The following MN1 variants were observed in gnomAD, a reference collection of about 807,000 sequenced individuals.
MN1 encodes MN1 proto-oncogene, transcriptional regulator.
In MN1, 19 loss-of-function variants were observed where a neutral mutation model predicts 86.9. The ratio of observed to expected loss-of-function variants is 0.22; its 90% CI spans 0.15 to 0.32. MN1 has a LOEUF of 0.32. Among genes scored for constraint, MN1 ranks in the 10% least tolerant of loss-of-function variants. The probability of loss-of-function intolerance (pLI) is 1.00; values close to 1 mark genes in which losing one functional copy is unlikely to be tolerated. For synonymous variants in MN1, 928 were observed against 849.6 expected, an observed-to-expected ratio of 1.09 and a Z score of -1.60; for missense variants, 1,841 against 1,862.0, an observed-to-expected ratio of 0.99 and a Z score of 0.21.
At chr22:27,780,240 ACTG>A (rs1197009601) in intron 1 of MN1, among the ~76,000 whole-genome samples, 2 of 151,972 alleles carry the variant, frequency 1.3e-5, no homozygotes, top group Non-Finnish European at 2.9e-5. Context: ...TGGACTCCAA[ACTG>A]CTAATCTGAC....
rs115169703 is a variant in MN1, at chr22:27,760,720, G to A, written c.3782-9624C>T. Among the ~76,000 whole-genome samples the A allele has an allele frequency of 5.8e-3, 877 of 152,254 alleles. 12 individuals carry two copies. The highest frequency in any genetic ancestry group is 0.02 in the African/African-American group (845 of 41,540). On this transcript the variant is annotated intron_variant, in intron 1 of 1. Coordinates refer to ENST00000302326, the MANE Select transcript of MN1 (RefSeq NM_002430.3). The stretch of plus-strand genomic sequence containing the variant: ...CGCAGAGCCCGAGGCAGGCCCAGGG[G>A]ACTAGCCACTCCTTGGCCCAGCCCT...
At chr22:27,768,302 A>G (rs370423703) in intron 1 of MN1, among the ~76,000 whole-genome samples, 1 of 152,134 alleles carries the variant, frequency 6.6e-6, no homozygotes. Context: ...GCCAGGTCTC[A>G]CCCACTTACA....
chr22:27,759,109 T>C (rs1197576146), intron 1 of MN1, among the ~76,000 whole-genome samples: 1 of 152,156 alleles, frequency 6.6e-6, no homozygotes, highest in Non-Finnish European at 1.5e-5. Context: ...ATTATAGGCA[T>C]GAGCCACCGT....
At chr22:27,778,091 T>C (rs1042107686) in intron 1 of MN1, among the ~76,000 whole-genome samples, 2 of 152,180 alleles carry the variant, frequency 1.3e-5, no homozygotes, top group Non-Finnish European at 2.9e-5. Flanking sequence ...GTGTGATTAA[T>C]GCGCTCTTAA....
At position 27,797,261 on chromosome 22, in the gene MN1, C is replaced by G; in HGVS notation, c.3283G>C (p.Gly1095Arg). ...AGGGCGGGCGGGGGCGCCTTCGGTCCGTGTTCCCCGGCGCCTACCCCACGG... is the reference window on the plus strand; with the variant it reads ...AGGGCGGGCGGGGGCGCCTTCGGTCGGTGTTCCCCGGCGCCTACCCCACGG... The part of the protein sequence containing the change: ...PPRGVGAGEH[G>R]PKAPPPALGL... Residue 1095 changes from glycine (G) to arginine (R), a missense_variant, in exon 1 of 2, where the codon GGA becomes CGA. Gly to Arg is a moderately radical substitution (Grantham distance 125). Transcript: ENST00000302326. The G allele has an allele frequency of 6.3e-7, 1 of 1,585,192 alleles. No homozygotes were observed. The highest frequency in any genetic ancestry group is 8.5e-7 in the Non-Finnish European group (1 of 1,172,654).
intron 1 of MN1, among the ~76,000 whole-genome samples, chr22:27,779,018 G>T (rs1251020309): frequency 6.6e-6 from 1 of 152,280 alleles, no homozygotes; most frequent in East Asian, 1.9e-4. Context: ...CTGCAGAGAT[G>T]GGGGTGAAGA....
chr22:27,766,547 T>TA (rs2146299153), intron 1 of MN1, among the ~76,000 whole-genome samples: 1 of 152,292 alleles, frequency 6.6e-6, no homozygotes, highest in South Asian at 2.1e-4. Flanking sequence ...TTGCAACACC[T>TA]ATACCCCACC....
intron 1 of MN1, among the ~76,000 whole-genome samples, chr22:27,753,656 G>T (rs1294810724): frequency 6.6e-6 from 1 of 152,202 alleles, no homozygotes; most frequent in Non-Finnish European, 1.5e-5. Flanking sequence ...AGGTTTCAAA[G>T]CTAGTTAGTA....
chr22:27,749,093 C>T lies in MN1; in HGVS notation c.*1822G>A, dbSNP rs190562335. On this transcript the variant is annotated 3_prime_UTR_variant, in exon 2 of 2. Coordinates refer to ENST00000302326, the MANE Select transcript of MN1 (RefSeq NM_002430.3). ...ACCTGCTTTGTCTGCCCTCTGAAGG[C>T]GGGGTTTGCTCCTCGTCAAGACTGC... The T allele has an allele frequency of 2.5e-4, 59 of 231,938 alleles. No individual in the cohort carries two copies. Among genetic ancestry groups the T allele is most frequent in the Admixed American group, 1.8e-3 (32 of 17,748 alleles). The allele number at this position is 231,938 out of a possible 1,614,324, so 14.4% of individuals were successfully genotyped here. A position where few individuals can be genotyped will look rare whatever the true frequency, so the allele number is the denominator to read the frequency against.
Position 27,748,623 on chromosome 22 carries a change from T to C in MN1, c.*2292A>G, listed in dbSNP as rs1341272412. Reference sequence around the variant, plus strand: ...TCTAGTGTGTAGGGTGTGTTTTTCATTTACTTTTATTCTTTCCATTAAACC... The same window carrying C: ...TCTAGTGTGTAGGGTGTGTTTTTCACTTACTTTTATTCTTTCCATTAAACC... On this transcript the variant is annotated 3_prime_UTR_variant, in exon 2 of 2. Transcript: ENST00000302326. The C allele has an allele frequency of 4.8e-6, 1 of 210,146 alleles. No individual in the cohort carries two copies. Among genetic ancestry groups the C allele is most frequent in the African/African-American group, 2.3e-5 (1 of 44,038 alleles). The allele number at this position is 210,146 out of a possible 1,614,324, so 13.0% of individuals were successfully genotyped here.
In MN1 at chr22:27,750,506, T is replaced by C. The variant is rs1932754163; in HGVS notation, c.*409A>G. The C allele has an allele frequency of 4.3e-6, 1 of 233,990 alleles. No homozygotes were observed. Among genetic ancestry groups the C allele is most frequent in the Non-Finnish European group, 8.4e-6 (1 of 118,788 alleles). 14.5% of individuals were successfully genotyped at this position (233,990 alleles called of 1,614,324 possible). A position where few individuals can be genotyped will look rare whatever the true frequency, so the allele number is the denominator to read the frequency against. On this transcript the variant is annotated 3_prime_UTR_variant, in exon 2 of 2. Transcript: ENST00000302326. The stretch of plus-strand genomic sequence containing the variant: ...GAAAAAGAATAAAAAAGAAAGCAAC[T>C]CTTGTCTTATTATGAAATAACAATA...
At chr22:27,794,947 AGGGGCTGAGATTT>A (rs1933268204) in intron 1 of MN1, among the ~76,000 whole-genome samples, 1 of 149,792 alleles carries the variant, frequency 6.7e-6, no homozygotes, top group African/African-American at 2.5e-5. Flanking sequence ...TAGAAGTGAC[AGGGGCTGAGATTT>A]GTGCTAACCA....
intron 1 of MN1, among the ~76,000 whole-genome samples, chr22:27,774,083 C>T (rs530611024): frequency 1.3e-5 from 2 of 152,198 alleles, no homozygotes; most frequent in South Asian, 2.1e-4. Flanking sequence ...CTTCACCTCC[C>T]GTGTGCCCAG....
rs760656643 is a variant in MN1, at chr22:27,799,642, TGCTGCTGCTGGG to T, written c.890_901del (p.Pro297_Gln300del). The T allele has an allele frequency of 5.2e-6, 8 of 1,548,926 alleles. No individual in the cohort carries two copies. The highest frequency in any genetic ancestry group is 1.7e-4 in the Middle Eastern group (1 of 5,816). ...CTGCTGCTGCTGCTGCTGGGGCTGC[TGCTGCTGCTGGG>T]GCTGCTGCTGCGGTGGCTGGGCGTG... On this transcript the variant is annotated inframe_deletion, in exon 1 of 2. Coordinates refer to ENST00000302326, the MANE Select transcript of MN1 (RefSeq NM_002430.3).
chr22:27,788,545 C>A (rs45500095), intron 1 of MN1, among the ~76,000 whole-genome samples: 2,161 of 152,018 alleles, frequency 0.014, 63 homozygotes, highest in African/African-American at 0.05. Flanking sequence ...CTGCCAATCA[C>A]TCAACAATGC....
In MN1 at chr22:27,749,368, A is replaced by T. The variant is rs923077079; in HGVS notation, c.*1547T>A. Reference sequence around the variant, plus strand: ...GAGCTCAAAGTGGAGCGTTTTAGTAAGACACGCTCGTTAACAAAAACTGAA... The same window carrying T: ...GAGCTCAAAGTGGAGCGTTTTAGTATGACACGCTCGTTAACAAAAACTGAA... On this transcript the variant is annotated 3_prime_UTR_variant, in exon 2 of 2. Coordinates refer to ENST00000302326, the MANE Select transcript of MN1 (RefSeq NM_002430.3). 8.6e-6 allele frequency: 2 copies of T among 232,020 alleles called. No homozygotes were observed. The highest frequency in any genetic ancestry group is 4.4e-5 in the African/African-American group (2 of 45,278). The allele number at this position is 232,020 out of a possible 1,614,324, so 14.4% of individuals were successfully genotyped here. A position where few individuals can be genotyped will look rare whatever the true frequency, so the allele number is the denominator to read the frequency against.
At chr22:27,756,194 G>A (rs1044195094) in intron 1 of MN1, among the ~76,000 whole-genome samples, 3 of 152,212 alleles carry the variant, frequency 2.0e-5, no homozygotes, top group Non-Finnish European at 4.4e-5. Context: ...GAAAAGAGGG[G>A]ACGTTTACCT....
At chr22:27,754,015 A>C (rs1932786489) in intron 1 of MN1, among the ~76,000 whole-genome samples, 1 of 152,176 alleles carries the variant, frequency 6.6e-6, no homozygotes, top group Non-Finnish European at 1.5e-5. Flanking sequence ...TATCTCAAGG[A>C]ATGAACGTAG....
In MN1 at chr22:27,762,187, T is replaced by A. The variant is rs45475195; in HGVS notation, c.3782-11091A>T. Among the ~76,000 whole-genome samples, 577 of 152,302 alleles carry A rather than the reference T, an allele frequency of 3.8e-3. 18 individuals are homozygous for A. In the East Asian group the frequency reaches 0.087, roughly 23 times the overall value. ...ACTCCTGACCTGTATGCTGCTAAGA[T>A]GTGACAGGCCCCGGGGGGCTGAGGG... is the stretch of plus-strand genomic sequence containing the variant. On this transcript the variant is annotated intron_variant, in intron 1 of 1. Coordinates refer to ENST00000302326, the MANE Select transcript of MN1 (RefSeq NM_002430.3).
Sources: gnomAD v4.1 joint callset for allele counts (sites outside exome capture counted in the v4.1 genomes callset) on GRCh38, gnomAD v4.1.1 for gene constraint, MANE v1.5 for transcripts, NCBI Gene and HGNC (gene_info 2026-07-23, HGNC 2026-07-21) for gene names.